The following PHACTR4 variants were observed in gnomAD, a reference collection of about 807,000 sequenced individuals.
PHACTR4 encodes the protein phosphatase and actin regulator 4.
A neutral mutation model predicts 72.7 loss-of-function variants in PHACTR4; 51 were observed. The ratio of observed to expected loss-of-function variants is 0.70; its 90% CI spans 0.56 to 0.89. The LOEUF (loss-of-function observed/expected upper bound fraction) is 0.89. Among genes scored for constraint, PHACTR4 ranks in the 40% least tolerant of loss-of-function variants. The pLI, the probability that PHACTR4 is intolerant of heterozygous loss-of-function variation, is 0.00. For synonymous variants in PHACTR4, 255 were observed against 302.5 expected, an observed-to-expected ratio of 0.84 and a Z score of 1.63; for missense variants, 731 against 861.8, an observed-to-expected ratio of 0.85 and a Z score of 1.90.
intron 2 of PHACTR4, among the ~76,000 whole-genome samples, chr1:28,446,839 T>C (rs1451827072): frequency 3.9e-5 from 6 of 152,142 alleles, no homozygotes; most frequent in African/African-American, 1.4e-4. Context: ...TTCTGGGCCA[T>C]GTGACGTGTC....
chr1:28,404,815 T>A (rs140534664), intron 1 of PHACTR4, among the ~76,000 whole-genome samples: 1 of 152,330 alleles, frequency 6.6e-6, no homozygotes, highest in East Asian at 1.9e-4. Flanking sequence ...AGGTTTGTTA[T>A]ATAGGTAAAC....
chr1:28,433,223 T>C (rs1228957539), intron 2 of PHACTR4, among the ~76,000 whole-genome samples: 1 of 152,114 alleles, frequency 6.6e-6, no homozygotes, highest in Non-Finnish European at 1.5e-5. Context: ...GATTCTTCCT[T>C]TTACATTTCT....
In PHACTR4 at chr1:28,457,978, A is replaced by G. The variant is rs1658514795; in HGVS notation, c.17-1107A>G. 1.2e-5 allele frequency: 6 copies of G among 520,042 alleles called. No homozygotes were observed. In the South Asian group the frequency reaches 3.4e-4, roughly 29 times the overall value. 32.2% of individuals were successfully genotyped at this position (520,042 alleles called of 1,614,324 possible). A position where few individuals can be genotyped will look rare whatever the true frequency, so the allele number is the denominator to read the frequency against. ...CCGCCTTGGCTCTCCTTTCTCTGCC[A>G]TTAAAACTAACTAACTAAACCCTGC... On this transcript the variant is annotated intron_variant, in intron 2 of 13. Coordinates refer to ENST00000373839, the MANE Select transcript of PHACTR4 (RefSeq NM_001048183.3).
chr1:28,372,588 A>G (rs1178637850), intron 1 of PHACTR4, among the ~76,000 whole-genome samples: 1 of 152,110 alleles, frequency 6.6e-6, no homozygotes, highest in African/African-American at 2.4e-5. Flanking sequence ...GCGGTGGCTC[A>G]CACCTGTAAT....
At position 28,459,067 on chromosome 1, in the gene PHACTR4, CTT is replaced by C. The variant is rs1557829180; in HGVS notation, c.17-17_17-16del. 6.3e-7 allele frequency: 1 copy of C among 1,579,552 alleles called. No individual in the cohort carries two copies. The highest frequency in any genetic ancestry group is 8.6e-7 in the Non-Finnish European group (1 of 1,162,242). On this transcript the variant is annotated splice_polypyrimidine_tract_variant and intron_variant, in intron 2 of 13. Coordinates refer to ENST00000373839, the MANE Select transcript of PHACTR4 (RefSeq NM_001048183.3). ...ATAATACATTTGCTTCCTTCCCTCT[CTT>C]CTTTTCATGTAACAGAGGAAGCAGA...
chr1:28,469,581 A>T (rs1270887795), intron 6 of PHACTR4, among the ~76,000 whole-genome samples: 1 of 152,216 alleles, frequency 6.6e-6, no homozygotes, highest in African/African-American at 2.4e-5. Context: ...AAGTAAAAAT[A>T]TTCATTTATG....
chr1:28,444,243 T>TTTTTTTC (rs1553194313), intron 2 of PHACTR4, among the ~76,000 whole-genome samples: 11 of 97,422 alleles, frequency 1.1e-4, no homozygotes, highest in African/African-American at 2.2e-4. Flanking sequence ...TTTTTTTTTT[T>TTTTTTTC]TGAGACAGAG....
intron 1 of PHACTR4, among the ~76,000 whole-genome samples, chr1:28,396,446 A>G (rs1440697334): frequency 6.6e-6 from 1 of 151,568 alleles, no homozygotes; most frequent in African/African-American, 2.4e-5. Context: ...CGGAAGAATC[A>G]CTTGAACCTG....
intron 2 of PHACTR4, among the ~76,000 whole-genome samples, chr1:28,442,835 C>G (rs371411752): frequency 6.6e-6 from 1 of 151,942 alleles, no homozygotes; most frequent in Non-Finnish European, 1.5e-5. Flanking sequence ...AATAATTGTA[C>G]CTGTTCATGG....
chr1:28,440,655 T>G (rs1286157315), intron 2 of PHACTR4, among the ~76,000 whole-genome samples: 1 of 152,072 alleles, frequency 6.6e-6, no homozygotes, highest in African/African-American at 2.4e-5. Flanking sequence ...TTATTTCCTA[T>G]TACCTAGATA....
At position 28,402,725 on chromosome 1, in the gene PHACTR4, C is replaced by G. The variant is rs182647943; in HGVS notation, c.-38-4685C>G. Among the ~76,000 whole-genome samples the G allele has an allele frequency of 9.1e-4, 138 of 152,228 alleles. 1 individual carries two copies. The highest frequency in any genetic ancestry group is 3.2e-3 in the African/African-American group (133 of 41,538). ...GAATATTTCTGTCTTGCACAGGTGT[C>G]CAGTTAGTGGAAACACAAAGTAGGC... On this transcript the variant is annotated intron_variant, in intron 1 of 13. Coordinates refer to ENST00000373839, the MANE Select transcript of PHACTR4 (RefSeq NM_001048183.3).
At chr1:28,451,413 T>A (rs557840156) in intron 2 of PHACTR4, among the ~76,000 whole-genome samples, 3 of 151,034 alleles carry the variant, frequency 2.0e-5, no homozygotes, top group African/African-American at 7.3e-5. Flanking sequence ...TAATTTTAGA[T>A]ACAGGGTATT....
intron 1 of PHACTR4, among the ~76,000 whole-genome samples, chr1:28,382,416 G>A (rs1463681642): frequency 6.6e-6 from 1 of 151,642 alleles, no homozygotes; most frequent in Non-Finnish European, 1.5e-5. Context: ...CCATTCTCCT[G>A]CCTCAGCCTC....
chr1:28,382,369 T>C (rs2124149865), intron 1 of PHACTR4, among the ~76,000 whole-genome samples: 1 of 152,168 alleles, frequency 6.6e-6, no homozygotes, highest in Non-Finnish European at 1.5e-5. Flanking sequence ...AGTGGCACGA[T>C]CTTGGCTCAC....
At chr1:28,386,348 C>T (rs1479914372) in intron 1 of PHACTR4, among the ~76,000 whole-genome samples, 1 of 152,152 alleles carries the variant, frequency 6.6e-6, no homozygotes, top group East Asian at 1.9e-4. Flanking sequence ...CCTGCCTCGG[C>T]CTCCCAAAGT....
intron 1 of PHACTR4, among the ~76,000 whole-genome samples, chr1:28,379,917 A>C (rs1015978494): frequency 6.6e-6 from 1 of 151,594 alleles, no homozygotes; most frequent in African/African-American, 2.4e-5. Context: ...ATAATTGTAA[A>C]ATTATTTTTC....
chr1:28,416,304 G>A (rs1655102667), intron 2 of PHACTR4, among the ~76,000 whole-genome samples: 1 of 151,998 alleles, frequency 6.6e-6, no homozygotes, highest in Admixed American at 6.6e-5. Context: ...ATTTCCTGAA[G>A]GGGTATAAAG....
rs1659110875 is a variant in PHACTR4, at chr1:28,465,680, T to G, written c.272-5T>G. The G allele has an allele frequency of 6.2e-7, 1 of 1,611,114 alleles. No individual in the cohort carries two copies. Among genetic ancestry groups the G allele is most frequent in the African/African-American group, 1.3e-5 (1 of 74,766 alleles). On this transcript the variant is annotated splice_region_variant and splice_polypyrimidine_tract_variant and intron_variant, in intron 4 of 13. Transcript: ENST00000373839. ...ATCACTTTGTACTCTTCTTTCACCTTGCAGGTGGTGAGGATCCAGGAAAGC... is the reference window on the plus strand; with the variant it reads ...ATCACTTTGTACTCTTCTTTCACCTGGCAGGTGGTGAGGATCCAGGAAAGC...
At chr1:28,383,340 G>C (rs956100152) in intron 1 of PHACTR4, among the ~76,000 whole-genome samples, 5 of 151,864 alleles carry the variant, frequency 3.3e-5, no homozygotes, top group African/African-American at 1.2e-4. Flanking sequence ...TGGCTCTTTT[G>C]GTTCCATATG....
Sources: allele counts gnomAD v4.1 joint callset (sites outside exome capture counted in the v4.1 genomes callset), GRCh38; gene constraint gnomAD v4.1.1; transcripts MANE v1.5; gene names NCBI Gene and HGNC (gene_info 2026-07-23, HGNC 2026-07-21).